The following C1QTNF7 variants were observed in gnomAD, a reference collection of about 807,000 sequenced individuals.
The protein encoded by C1QTNF7 is complement C1q tumor necrosis factor-related protein 7.
A neutral mutation model predicts 19.6 loss-of-function variants in C1QTNF7; 15 were observed. The ratio of observed to expected loss-of-function variants is 0.76; its 90% CI spans 0.51 to 1.18. The LOEUF is 1.18. C1QTNF7 is among the 50% of genes most tolerant of loss of function. The pLI is 0.00. For synonymous variants in C1QTNF7, 142 were observed against 137.5 expected (o/e 1.03, Z -0.23); for missense variants, 324 against 359.7 (o/e 0.90, Z 0.80).
At chr4:15,381,944 A>G (rs1684694606) in intron 1 of C1QTNF7, 1 of 152,190 alleles carries the variant, frequency 6.6e-6, no homozygotes, top group African/African-American at 2.4e-5. Flanking sequence ...AGCAAACCAG[A>G]CAAAAATGTC....
rs140097200 is a variant in C1QTNF7, at chr4:15,366,380, T to C, written c.13+26173T>C. On this transcript the variant is annotated intron_variant, in intron 1 of 2. Coordinates refer to the C1QTNF7 transcript ENST00000295297. ...AACCTTAGCTACAGTTGAGGGCATGTTAAGTTAGTTTACTGTTGCTGCATC... is the reference window on the plus strand; with the variant it reads ...AACCTTAGCTACAGTTGAGGGCATGCTAAGTTAGTTTACTGTTGCTGCATC... Among the ~76,000 whole-genome samples the C allele has an allele frequency of 3.0e-3, 458 of 152,268 alleles. 2 individuals are homozygous for C. The highest frequency in any genetic ancestry group is 0.01 in the African/African-American group (430 of 41,552).
chr4:15,377,435 C>T (rs1396964936), intron 1 of C1QTNF7, among the ~76,000 whole-genome samples: 1 of 152,094 alleles, frequency 6.6e-6, no homozygotes, highest in Non-Finnish European at 1.5e-5. Context: ...CTTTTCATGG[C>T]AAATTTGTGC....
In C1QTNF7 at chr4:15,368,328, A is replaced by C. The variant is rs559955527; in HGVS notation, c.13+28121A>C. Among the ~76,000 whole-genome samples the C allele has an allele frequency of 2.6e-5, 4 of 152,258 alleles. No homozygotes were observed. In the South Asian group the frequency reaches 8.3e-4, roughly 32 times the overall value. On this transcript the variant is annotated intron_variant, in intron 1 of 2. Coordinates refer to the C1QTNF7 transcript ENST00000295297. ...AATTATACTTTAAGTTCTAGGGTAC[A>C]TGTGCACAACTTGCAGGTTTGTTAC...
In C1QTNF7 at chr4:15,340,166, A is replaced by G. The variant is rs1294300814; in HGVS notation, c.-29A>G. The G allele has an allele frequency of 1.9e-6, 3 of 1,551,350 alleles. No individual in the cohort carries two copies. The African/African-American group carries it at 4.1e-5, about 21-fold the overall frequency. ...GGGACAACCAAAGCAAGAAAGCCTC[A>G]TGTTTTGGGGGAAAGTTTGATATCA... On this transcript the variant is annotated 5_prime_UTR_variant, in exon 1 of 3. Coordinates refer to the C1QTNF7 transcript ENST00000295297.
chr4:15,418,850 C>T (rs1178427244), intron 1 of C1QTNF7, among the ~76,000 whole-genome samples: 2 of 152,330 alleles, frequency 1.3e-5, no homozygotes, highest in East Asian at 3.9e-4. Context: ...GCAGAGCCCT[C>T]AGCACAGAGT....
intron 1 of C1QTNF7, among the ~76,000 whole-genome samples, chr4:15,379,614 T>C (rs1255258491): frequency 3.9e-5 from 6 of 152,170 alleles, no homozygotes; most frequent in African/African-American, 7.2e-5. Context: ...CACTCTGCTT[T>C]AGAAAAATAA....
intron 1 of C1QTNF7, among the ~76,000 whole-genome samples, chr4:15,391,921 T>G (rs1265622002): frequency 1.3e-5 from 2 of 152,042 alleles, no homozygotes; most frequent in Non-Finnish European, 1.5e-5. Flanking sequence ...CAATTTGGCA[T>G]TACAACGTGG....
intron 1 of C1QTNF7, among the ~76,000 whole-genome samples, chr4:15,422,829 C>G (rs1036733134): frequency 3.9e-4 from 60 of 152,114 alleles, no homozygotes; most frequent in African/African-American, 1.3e-3. Flanking sequence ...TGCCATATTG[C>G]CCAGGCTGGT....
chr4:15,388,542 C>T (rs937452776), intron 1 of C1QTNF7, among the ~76,000 whole-genome samples: 3 of 152,134 alleles, frequency 2.0e-5, no homozygotes, highest in African/African-American at 7.2e-5. Context: ...TTGGGATACA[C>T]ATGAACAGAA....
intron 1 of C1QTNF7, among the ~76,000 whole-genome samples, chr4:15,365,850 C>G (rs1277149045): frequency 2.0e-5 from 3 of 152,268 alleles, no homozygotes; most frequent in South Asian, 4.1e-4. Flanking sequence ...TTCAACTAAT[C>G]ACTGTTGCCA....
rs1448742731 is a variant in C1QTNF7, at chr4:15,445,691, A to G, written c.*2892A>G. ...AAAATAGCAGATACAGTTTATCCAC[A>G]TTTGTAAATATTTGTATAAAGAAAG... is the stretch of plus-strand genomic sequence containing the variant. On this transcript the variant is annotated 3_prime_UTR_variant, in exon 3 of 3. Coordinates refer to ENST00000444304, the MANE Select transcript of C1QTNF7 (RefSeq NM_031911.5). 6.6e-6 allele frequency: 1 copy of G among 152,210 alleles called. No homozygotes were observed. Among genetic ancestry groups the G allele is most frequent in the East Asian group, 1.9e-4 (1 of 5,198 alleles). 9.4% of individuals were successfully genotyped at this position (152,210 alleles called of 1,614,324 possible).
At chr4:15,388,478 A>G (rs1486844261) in intron 1 of C1QTNF7, among the ~76,000 whole-genome samples, 1 of 152,210 alleles carries the variant, frequency 6.6e-6, no homozygotes, top group Non-Finnish European at 1.5e-5. Context: ...GTGAACATGA[A>G]TAAGGTACAA....
chr4:15,361,107 A>G (rs564922540), intron 1 of C1QTNF7: 1 of 152,162 alleles, frequency 6.6e-6, no homozygotes, highest in Non-Finnish European at 1.5e-5. Flanking sequence ...ACTTTTTGGT[A>G]ATTTCAAGAT....
chr4:15,410,064 T>C (rs550662456), intron 1 of C1QTNF7, among the ~76,000 whole-genome samples: 3 of 152,276 alleles, frequency 2.0e-5, no homozygotes, highest in South Asian at 2.1e-4. Context: ...CATGAAGTGC[T>C]AATGGCCAAA....
Position 15,393,263 on chromosome 4 carries a change from T to A in C1QTNF7, c.14-42473T>A, listed in dbSNP as rs137977871. On this transcript the variant is annotated intron_variant, in intron 1 of 2. Coordinates refer to the C1QTNF7 transcript ENST00000295297. The stretch of plus-strand genomic sequence containing the variant: ...AGTCCATTAAGCCTCTTTTTCTTTA[T>A]AAATTACCCAGTTTCAGGTATGTCT... Among the ~76,000 whole-genome samples, 169 of 152,330 alleles carry A rather than the reference T, an allele frequency of 1.1e-3. 1 individual carries two copies. Among genetic ancestry groups the A allele is most frequent in the African/African-American group, 3.8e-3 (159 of 41,592 alleles).
chr4:15,350,051 AAGGG>A (rs1716858302), intron 1 of C1QTNF7, among the ~76,000 whole-genome samples: 2 of 138,028 alleles, frequency 1.4e-5, no homozygotes, highest in African/African-American at 2.8e-5. Flanking sequence ...GGAAGGAAAG[AAGGG>A]AGGAAGGGAA....
At chr4:15,342,607 A>G in intron 1 of C1QTNF7, among the ~76,000 whole-genome samples, 1 of 152,174 alleles carries the variant, frequency 6.6e-6, no homozygotes, top group East Asian at 1.9e-4. Flanking sequence ...GATGAGTAAA[A>G]TATCACGAAA....
At chr4:15,393,519 C>T (rs568177165) in intron 1 of C1QTNF7, among the ~76,000 whole-genome samples, 2 of 152,294 alleles carry the variant, frequency 1.3e-5, no homozygotes, top group Non-Finnish European at 2.9e-5. Context: ...AACGCAGACT[C>T]TCGAGCCCAA....
At chr4:15,440,749 T>A (rs1186680038) in intron 2 of C1QTNF7, among the ~76,000 whole-genome samples, 1 of 152,048 alleles carries the variant, frequency 6.6e-6, no homozygotes, top group Non-Finnish European at 1.5e-5. Flanking sequence ...AGTTTTCTCC[T>A]CACAAAATAA....
Sources: gnomAD v4.1 joint callset for allele counts (sites outside exome capture counted in the v4.1 genomes callset) on GRCh38, gnomAD v4.1.1 for gene constraint, MANE v1.5 for transcripts, NCBI Gene and HGNC (gene_info 2026-07-23, HGNC 2026-07-21) for gene names.